The following IGDCC3 variants were observed in gnomAD, a reference collection of about 807,000 sequenced individuals.
The protein encoded by IGDCC3 is immunoglobulin superfamily DCC subclass member 3, also known as putative neuronal cell adhesion molecule.
IGDCC3 carries 47 observed loss-of-function variants against 72.0 expected under a neutral mutation model. The ratio of observed to expected loss-of-function variants is 0.65; its 90% confidence interval spans 0.52 to 0.83. The LOEUF (loss-of-function observed/expected upper bound fraction) is 0.83. IGDCC3 is among the 40% of genes least tolerant of loss of function. The pLI is 0.00. For missense variants in IGDCC3, 1,038 were observed against 1,091.3 expected, an observed-to-expected ratio of 0.95 and a Z score of 0.69; for synonymous variants, 477 against 472.8, an observed-to-expected ratio of 1.01 and a Z score of -0.11.
intron 2 of IGDCC3, among the ~76,000 whole-genome samples, chr15:65,340,279 C>T (rs954307428): frequency 1.2e-4 from 19 of 152,014 alleles, no homozygotes; most frequent in African/African-American, 4.4e-4. Context: ...TAGACAGGCT[C>T]CAGGGGGAGG....
rs181777322 is a variant in IGDCC3 at position 65,377,253 on chromosome 15, C to A, written c.103+433G>T. Among the ~76,000 whole-genome samples, 77 of 152,314 alleles carry A rather than the reference C, an allele frequency of 5.1e-4. No individual in the cohort carries two copies. The highest frequency in any genetic ancestry group is 3.4e-3 in the Middle Eastern group (1 of 294). ...CCAGTGCAGCCGTCAGAGTCCCGGT[C>A]TCCGCTCCCCAGGCTGCTGTCCCCT... On this transcript the variant is annotated intron_variant, in intron 1 of 13. Transcript: ENST00000327987. This position sits in a 1 kb window ranked among gnomAD's most constrained non-coding sequence, Gnocchi z 4.9.
rs2090997505 is a variant in IGDCC3 at position 65,333,421 on chromosome 15, G to A, written c.824-6C>T. On this transcript the variant is annotated splice_region_variant and splice_polypyrimidine_tract_variant and intron_variant, in intron 5 of 13. Coordinates refer to ENST00000327987, the MANE Select transcript of IGDCC3 (RefSeq NM_004884.4). The stretch of plus-strand genomic sequence containing the variant: ...CACCCCGATAGGGCGACCATCTGCA[G>A]AGGAAGGGGAGGGGGGATGGGTGAG... The A allele has an allele frequency of 6.3e-7, 1 of 1,592,802 alleles. No individual in the cohort carries two copies. The highest frequency in any genetic ancestry group is 8.6e-7 in the Non-Finnish European group (1 of 1,169,396).
At chr15:65,335,532 A>G in intron 3 of IGDCC3, 111 bp from the exon 4 acceptor site, 1 of 1,134,452 alleles carries the variant, frequency 8.8e-7, no homozygotes. Flanking sequence ...GCACCATCCC[A>G]ACATCAGCAG....
Position 65,375,366 on chromosome 15 carries a change from T to G in IGDCC3, c.140A>C (p.Glu47Ala), listed in dbSNP as rs200822229. The change falls in exon 2 of 14, where the codon GAG (glutamate) becomes GCG (alanine). Residue 47 changes from glutamate (E) to alanine (A), a missense_variant. By Grantham distance (107) the Glu-to-Ala change is moderately radical. Coordinates refer to ENST00000327987, the MANE Select transcript of IGDCC3 (RefSeq NM_004884.4). ...GGGGACGGCAACATCATCACTTGGC[T>G]CCACAGCAAATGCCAGTTCAGCAGA... ...GHSAELAFAV[E>A]PSDDVAVPGQ... 1 of 1,607,648 alleles carries G rather than the reference T, an allele frequency of 6.2e-7. No homozygotes were observed. Among genetic ancestry groups the G allele is most frequent in the Non-Finnish European group, 8.5e-7 (1 of 1,174,716 alleles).
intron 6 of IGDCC3, among the ~76,000 whole-genome samples, chr15:65,332,672 G>A (rs750907537): frequency 9.2e-5 from 14 of 152,154 alleles, no homozygotes; most frequent in African/African-American, 1.2e-4. Flanking sequence ...CCTTTCCCCC[G>A]GTCTCCGGTA....
At chr15:65,338,808 G>A (rs779130532) in intron 2 of IGDCC3, among the ~76,000 whole-genome samples, 5 of 152,196 alleles carry the variant, frequency 3.3e-5, no homozygotes, top group Non-Finnish European at 7.4e-5. Context: ...CTGTCTTCAT[G>A]AACAGGATCC....
rs369968840 is a variant in IGDCC3, at chr15:65,335,313, G to A, written c.663C>T (p.His221=). 86 of 1,612,662 alleles carry A rather than the reference G, an allele frequency of 5.3e-5. No individual in the cohort carries two copies. Among genetic ancestry groups the A allele is most frequent in the East Asian group, 1.6e-4 (7 of 44,890 alleles). ...ASNIASIRIS[H]GARLTVSGSG... ...CACCTGACACAGTGAGCCTGGCCCC[G>A]TGGCTGATCCGGATACTGGCGATGT... The change falls in exon 4 of 14, where the codon CAC becomes CAT. Residue 221 remains histidine, a synonymous_variant. Coordinates refer to ENST00000327987, the MANE Select transcript of IGDCC3 (RefSeq NM_004884.4).
chr15:65,370,883 C>T (rs1021136456), intron 2 of IGDCC3, among the ~76,000 whole-genome samples: 2 of 152,178 alleles, frequency 1.3e-5, no homozygotes, highest in Admixed American at 6.5e-5. Flanking sequence ...CTCAGCCTCT[C>T]AAAGTGCTGG....
At chr15:65,362,290 C>A (rs1040122939) in intron 2 of IGDCC3, among the ~76,000 whole-genome samples, 1 of 152,102 alleles carries the variant, frequency 6.6e-6, no homozygotes, top group African/African-American at 2.4e-5. Flanking sequence ...GTAGGGTAAG[C>A]AGATGGGCCC....
At position 65,329,149 on chromosome 15, in the gene IGDCC3, CT is replaced by C; in HGVS notation, c.2206-2del. The stretch of plus-strand genomic sequence containing the variant: ...ACGGAGCGGGGGCTGCAGGATCCTG[CT>C]GGGGAAAGAGCCCGTCACACAGGCG... On this transcript the variant is annotated splice_acceptor_variant, in intron 13 of 13. Coordinates refer to ENST00000327987, the MANE Select transcript of IGDCC3 (RefSeq NM_004884.4). LOFTEE classifies it high-confidence loss of function. This position sits in a 1 kb window ranked among gnomAD's most constrained non-coding sequence, Gnocchi z 4.1. 6.2e-7 allele frequency: 1 copy of C among 1,602,688 alleles called. No individual in the cohort carries two copies. Among genetic ancestry groups the C allele is most frequent in the South Asian group, 1.1e-5 (1 of 89,624 alleles).
At chr15:65,349,402 T>TCTCTC (rs1430624670) in intron 2 of IGDCC3, among the ~76,000 whole-genome samples, 1 of 147,118 alleles carries the variant, frequency 6.8e-6, no homozygotes, top group Non-Finnish European at 1.5e-5. Flanking sequence ...ATTTTGGGTT[T>TCTCTC]CTCTCTCTCT....
chr15:65,371,589 A>G (rs1301494365), intron 2 of IGDCC3, among the ~76,000 whole-genome samples: 1 of 152,236 alleles, frequency 6.6e-6, no homozygotes, highest in Admixed American at 6.5e-5. Context: ...TCTCAATGTT[A>G]TCAAGATTCC....
intron 2 of IGDCC3, among the ~76,000 whole-genome samples, chr15:65,365,088 G>A (rs1256534556): frequency 6.6e-6 from 1 of 152,116 alleles, no homozygotes; most frequent in Non-Finnish European, 1.5e-5. Context: ...CTCACCTGGG[G>A]CTTCGGTTTC....
intron 5 of IGDCC3, 24 bp from the exon 6 acceptor site, chr15:65,333,439 T>G: frequency 6.3e-7 from 1 of 1,575,608 alleles, no homozygotes; most frequent in East Asian, 2.3e-5. Context: ...GGAGGGGGGA[T>G]GGGTGAGGGT....
At chr15:65,335,265 G>A (rs1301824999) in intron 4 of IGDCC3, 26 bp downstream of exon 4, 19 of 1,589,660 alleles carry the variant, frequency 1.2e-5, no homozygotes, top group Non-Finnish European at 1.5e-5. Flanking sequence ...TGGGGAGGTT[G>A]GGGGAAAGTG....
intron 1 of IGDCC3, among the ~76,000 whole-genome samples, chr15:65,376,281 A>C (rs2091358362): frequency 6.6e-6 from 1 of 152,250 alleles, no homozygotes; most frequent in Non-Finnish European, 1.5e-5. Context: ...AGGAGGCCAA[A>C]GAATAGATGG....
In IGDCC3 at chr15:65,335,195, A is replaced by C; in HGVS notation, c.685+96T>G. 4.4e-6 allele frequency: 6 copies of C among 1,350,968 alleles called. No homozygotes were observed. In the South Asian group the frequency reaches 8.3e-5, roughly 19 times the overall value. The allele number at this position is 1,350,968 out of a possible 1,614,324, so 83.7% of individuals were successfully genotyped here. A position where few individuals can be genotyped will look rare whatever the true frequency, so the allele number is the denominator to read the frequency against. ...GCACTCTGCACGCACGTGGCTGAGA[A>C]GGCTGCAGAGGCCAGCTGAAGGGGG... On this transcript the variant is annotated intron_variant, in intron 4 of 13. Transcript: ENST00000327987.
rs557557266 is a variant in IGDCC3 at position 65,335,889 on chromosome 15, C to G, written c.477G>C (p.Gln159His). The part of the protein sequence containing the change: ...VGEEGGVARF[Q>H]CQIHGLPKPL... The stretch of plus-strand genomic sequence containing the variant: ...GTTTGGGAAGCCCATGGATTTGGCA[C>G]TGGAAGCGGGCCACACCACCCTCCT... The change falls in exon 3 of 14, where the codon CAG (glutamine) becomes CAC (histidine). Residue 159 changes from glutamine (Q) to histidine (H), a missense_variant. By Grantham distance (24) the Gln-to-His change is conservative (BLOSUM62 0). Transcript: ENST00000327987. 591 of 1,614,184 alleles carry G rather than the reference C, an allele frequency of 3.7e-4. 11 individuals are homozygous for G. The South Asian group carries it at 6.2e-3, about 17-fold the overall frequency.
At position 65,330,667 on chromosome 15, in the gene IGDCC3, G is replaced by C. The variant is rs140198155; in HGVS notation, c.1636C>G (p.Arg546Gly). ...AAGCCGCCCTCGTGCTGGGCCAGCC[G>C]GGGCCAAGGCTCCCACAGCAGCTGC... The part of the protein sequence containing the change: ...SLQLLWEPWP[R>G]LAQHEGGFKL... The change falls in exon 10 of 14, where the codon CGG becomes GGG. Residue 546 changes from arginine to glycine, a missense_variant. Arg to Gly is a moderately radical substitution (Grantham distance 125). Coordinates refer to ENST00000327987, the MANE Select transcript of IGDCC3 (RefSeq NM_004884.4). 17 of 1,613,372 alleles carry C rather than the reference G, an allele frequency of 1.1e-5. No individual in the cohort carries two copies. The highest frequency in any genetic ancestry group is 1.4e-5 in the Non-Finnish European group (17 of 1,179,738).
Sources: gnomAD v4.1 joint callset for allele counts (sites outside exome capture counted in the v4.1 genomes callset) on GRCh38, gnomAD v4.1.1 for gene constraint, Gnocchi (gnomAD v3.1) non-coding constraint, MANE v1.5 for transcripts, NCBI Gene and HGNC (gene_info 2026-07-23, HGNC 2026-07-21) for gene names.